The following SH3PXD2A variants were observed in gnomAD, a reference collection of about 807,000 sequenced individuals.
SH3PXD2A encodes SH3 and PX domain-containing protein 2A.
SH3PXD2A carries 32 observed loss-of-function variants against 115.2 expected under a neutral mutation model. The observed-to-expected ratio is 0.28, with a 90% confidence interval of 0.21 to 0.37. The LOEUF is 0.37. Ranked by LOEUF, SH3PXD2A falls within the 10% of genes least tolerant of loss-of-function variation. SH3PXD2A has a pLI of 1.00. For synonymous variants in SH3PXD2A, 610 were observed against 629.1 expected, an observed-to-expected ratio of 0.97 and a Z score of 0.45; for missense variants, 1,328 against 1,498.7, an observed-to-expected ratio of 0.89 and a Z score of 1.88.
At chr10:103,795,833 CACTT>C (rs914861336) in intron 2 of SH3PXD2A, among the ~76,000 whole-genome samples, 1 of 146,644 alleles carries the variant, frequency 6.8e-6, no homozygotes, top group African/African-American at 2.5e-5. Context: ...ACAAGGCAGA[CACTT>C]AATATTGGAA....
At chr10:103,783,386 C>T (rs570439703) in intron 2 of SH3PXD2A, among the ~76,000 whole-genome samples, 15 of 152,106 alleles carry the variant, frequency 9.9e-5, no homozygotes, top group African/African-American at 2.2e-4. Flanking sequence ...CAGGTTGATG[C>T]GGGGCTGGAC....
intron 5 of SH3PXD2A, among the ~76,000 whole-genome samples, chr10:103,704,738 G>A (rs764109387): frequency 3.3e-5 from 5 of 152,152 alleles, no homozygotes; most frequent in South Asian, 2.1e-4. Flanking sequence ...GGTGCAGGGC[G>A]GCCTGGGGGC....
chr10:103,804,218 G>A (rs1420017318), intron 1 of SH3PXD2A, among the ~76,000 whole-genome samples: 1 of 151,314 alleles, frequency 6.6e-6, no homozygotes, highest in Non-Finnish European at 1.5e-5. Flanking sequence ...GCCTGAACCA[G>A]TCTTTCAGGT....
At chr10:103,629,305 G>C (rs1266186074) in intron 8 of SH3PXD2A, among the ~76,000 whole-genome samples, 1 of 152,238 alleles carries the variant, frequency 6.6e-6, no homozygotes, top group Non-Finnish European at 1.5e-5. Flanking sequence ...GGACTGGGCA[G>C]CAGCCGCTGG....
Position 103,598,911 on chromosome 10 carries a change from G to A in SH3PXD2A, c.*2905C>T, listed in dbSNP as rs528529331. On this transcript the variant is annotated 3_prime_UTR_variant, in exon 15 of 15. Transcript: ENST00000369774. ...GTGAGTTAGGGGGTGAGGGGGCGAG[G>A]TGCGAAGACTGGGGCATGGCAATCC... is the stretch of plus-strand genomic sequence containing the variant. The A allele has an allele frequency of 1.3e-5, 2 of 152,628 alleles. No homozygotes were observed. The highest frequency in any genetic ancestry group is 2.1e-4 in the South Asian group (1 of 4,822). 9.5% of individuals were successfully genotyped at this position (152,628 alleles called of 1,614,324 possible). A position where few individuals can be genotyped will look rare whatever the true frequency, so the allele number is the denominator to read the frequency against.
chr10:103,616,746 A>G (rs1208420799), intron 11 of SH3PXD2A, among the ~76,000 whole-genome samples: 3 of 115,124 alleles, frequency 2.6e-5, no homozygotes, highest in Non-Finnish European at 5.5e-5. Flanking sequence ...CCCCGCCCCC[A>G]GCCCACCTCC....
intron 7 of SH3PXD2A, among the ~76,000 whole-genome samples, chr10:103,663,727 A>G (rs1307307058): frequency 6.6e-6 from 1 of 152,206 alleles, no homozygotes; most frequent in Non-Finnish European, 1.5e-5. Context: ...CCTAGGGCAG[A>G]CGGCAATGGC....
intron 6 of SH3PXD2A, chr10:103,678,027 T>G: frequency 1.1e-6 from 1 of 939,194 alleles, no homozygotes; most frequent in Non-Finnish European, 1.5e-6. Flanking sequence ...CTGAAGGGCG[T>G]TGGCTCCCAG....
At chr10:103,636,341 G>A (rs1365190969) in intron 8 of SH3PXD2A, among the ~76,000 whole-genome samples, 2 of 151,650 alleles carry the variant, frequency 1.3e-5, no homozygotes, top group Admixed American at 6.6e-5. Flanking sequence ...CCTGAGAGGC[G>A]GAGCTTGCAG....
intron 7 of SH3PXD2A, among the ~76,000 whole-genome samples, chr10:103,662,546 C>T (rs991569924): frequency 6.6e-6 from 1 of 150,822 alleles, no homozygotes; most frequent in African/African-American, 2.4e-5. Flanking sequence ...ACTACAGGCG[C>T]CCGCCACCGC....
intron 1 of SH3PXD2A, among the ~76,000 whole-genome samples, chr10:103,822,182 C>A (rs1000831568): frequency 6.6e-6 from 1 of 152,238 alleles, no homozygotes; most frequent in Admixed American, 6.5e-5. Flanking sequence ...TGAGCCACTG[C>A]GCCTGGCCTT....
chr10:103,608,017 A>AAGGCCTC (rs2036352694), intron 13 of SH3PXD2A, among the ~76,000 whole-genome samples: 1 of 151,838 alleles, frequency 6.6e-6, no homozygotes, highest in Admixed American at 6.6e-5. Flanking sequence ...AACACTGCGG[A>AAGGCCTC]AGGCCTCGGG....
chr10:103,781,862 T>C (rs1480390796), intron 2 of SH3PXD2A, among the ~76,000 whole-genome samples: 1 of 152,154 alleles, frequency 6.6e-6, no homozygotes, highest in Non-Finnish European at 1.5e-5. Context: ...CACAAGCTTG[T>C]AGAAAGCACA....
intron 3 of SH3PXD2A, among the ~76,000 whole-genome samples, chr10:103,750,145 G>A (rs1384556206): frequency 2.0e-5 from 3 of 152,226 alleles, no homozygotes; most frequent in East Asian, 3.9e-4. Context: ...CTCGACCTCC[G>A]AGCCTAAGTG....
In SH3PXD2A at chr10:103,598,866, G is replaced by C. The variant is rs1224310264; in HGVS notation, c.*2950C>G. Reference sequence around the variant, plus strand: ...TGCTTCAAGTATTAATATTCTCTTTGGGTTTGCAGGGTTTGTGCTGTGAGT... The same window carrying C: ...TGCTTCAAGTATTAATATTCTCTTTCGGTTTGCAGGGTTTGTGCTGTGAGT... On this transcript the variant is annotated 3_prime_UTR_variant, in exon 15 of 15. Transcript: ENST00000369774. The C allele has an allele frequency of 6.6e-6, 1 of 152,586 alleles. No homozygotes were observed. The highest frequency in any genetic ancestry group is 1.9e-4 in the East Asian group (1 of 5,174). The allele number at this position is 152,586 out of a possible 1,614,324, so 9.5% of individuals were successfully genotyped here. A position where few individuals can be genotyped will look rare whatever the true frequency, so the allele number is the denominator to read the frequency against.
intron 2 of SH3PXD2A, among the ~76,000 whole-genome samples, chr10:103,795,762 C>A (rs2039079465): frequency 6.6e-6 from 1 of 151,966 alleles, no homozygotes; most frequent in African/African-American, 2.4e-5. Context: ...CCCATAAAGG[C>A]AGGAACCAGA....
At chr10:103,684,393 C>G (rs1430941147) in intron 6 of SH3PXD2A, among the ~76,000 whole-genome samples, 2 of 151,472 alleles carry the variant, frequency 1.3e-5, no homozygotes, top group African/African-American at 4.9e-5. Flanking sequence ...GAATCTCACT[C>G]TGTCACCCAG....
At chr10:103,724,665 GACA>G (rs904754974) in intron 4 of SH3PXD2A, among the ~76,000 whole-genome samples, 2 of 150,820 alleles carry the variant, frequency 1.3e-5, no homozygotes, top group African/African-American at 2.4e-5. Flanking sequence ...AAACCAACAA[GACA>G]ACAACAAGAA....
chr10:103,630,755 A>AG (rs1347331684), intron 8 of SH3PXD2A, among the ~76,000 whole-genome samples: 37 of 151,254 alleles, frequency 2.4e-4, no homozygotes, highest in Non-Finnish European at 5.0e-4. Flanking sequence ...TAAAAAAAAA[A>AG]AAAAAAAAAA....
Sources: allele counts gnomAD v4.1 joint callset (sites outside exome capture counted in the v4.1 genomes callset), GRCh38; gene constraint gnomAD v4.1.1; transcripts MANE v1.5; gene names NCBI Gene and HGNC (gene_info 2026-07-23, HGNC 2026-07-21).